The following ADAMTS13 variants were observed in gnomAD, a reference collection of about 807,000 sequenced individuals.
ADAMTS13 encodes ADAM metallopeptidase with thrombospondin type 1 motif 13.
ADAMTS13 carries 110 observed loss-of-function variants against 155.1 expected under a neutral mutation model. The ratio of observed to expected loss-of-function variants is 0.71; its 90% confidence interval spans 0.61 to 0.83. ADAMTS13 has a LOEUF of 0.83. Ranked by LOEUF, ADAMTS13 falls within the 40% of genes least tolerant of loss-of-function variation. The pLI is 0.00. For missense variants in ADAMTS13, 1,707 were observed against 1,891.7 expected, an observed-to-expected ratio of 0.90 and a Z score of 1.81; for synonymous variants, 758 against 756.4, an observed-to-expected ratio of 1.00 and a Z score of -0.03.
chr9:133,455,071 GGGAC>G (rs1842660432), intron 24 of ADAMTS13, among the ~76,000 whole-genome samples: 1 of 152,150 alleles, frequency 6.6e-6, no homozygotes, highest in African/African-American at 2.4e-5. Flanking sequence ...GAGGGTGACA[GGGAC>G]CCAGACTTGA....
chr9:133,422,342 G>A (rs879194486), upstream of ADAMTS13: 38 of 1,156,220 alleles, frequency 3.3e-5, no homozygotes, highest in South Asian at 2.7e-4. Flanking sequence ...TAATCGTCCC[G>A]CCCAGTAGTG....
At chr9:133,421,016 A>C (rs1839931451), upstream of ADAMTS13, among the ~76,000 whole-genome samples, 2 of 152,248 alleles carry the variant, frequency 1.3e-5, no homozygotes, top group African/African-American at 4.8e-5. Flanking sequence ...CTGTAATCCC[A>C]GCACTTTGGG....
rs1348701871 is a variant in ADAMTS13 at position 133,456,369 on chromosome 9, T to TA, written c.3547+155dup. Among the ~76,000 whole-genome samples, 1 of 152,212 alleles carries TA rather than the reference T, an allele frequency of 6.6e-6. No individual in the cohort carries two copies. Among genetic ancestry groups the TA allele is most frequent in the African/African-American group, 2.4e-5 (1 of 41,446 alleles). On this transcript the variant is annotated intron_variant, in intron 26 of 28. Coordinates refer to ENST00000355699, the MANE Select transcript of ADAMTS13 (RefSeq NM_139027.6). This position sits in a 1 kb window ranked among gnomAD's most constrained non-coding sequence, Gnocchi z 4.4. ...GACTGGGGAGTGATGATCTGCATTT[T>TA]ACAGATGAGGAAACTGAGGCTAGGA...
upstream of ADAMTS13, among the ~76,000 whole-genome samples, chr9:133,421,371 C>T (rs984669537): frequency 6.6e-6 from 1 of 152,250 alleles, no homozygotes; most frequent in Non-Finnish European, 1.5e-5. Context: ...CTCCAACAGC[C>T]TCCTTACCTT....
chr9:133,436,801 T>A, intron 11 of ADAMTS13, 28 bp from the exon 12 acceptor site: 26 of 623,530 alleles, frequency 4.2e-5, no homozygotes, highest in South Asian at 1.9e-4. Flanking sequence ...CCCACCGCCA[T>A]CCCCCTCCTC....
At chr9:133,449,642 G>T in intron 22 of ADAMTS13, 141 bp from the exon 23 acceptor site, 1 of 891,678 alleles carries the variant, frequency 1.1e-6, no homozygotes, top group East Asian at 2.5e-5. Context: ...GGACACAAGG[G>T]GGCCTCCAGA....
chr9:133,455,912 C>A, intron 25 of ADAMTS13, 157 bp from the exon 26 acceptor site: 1 of 969,168 alleles, frequency 1.0e-6, no homozygotes. Flanking sequence ...CTGACCTATG[C>A]AGCCCCCCTC....
chr9:133,415,337 T>C (rs1839515534), intron 1 of ADAMTS13, among the ~76,000 whole-genome samples: 1 of 152,076 alleles, frequency 6.6e-6, no homozygotes, highest in African/African-American at 2.4e-5. Context: ...ACTTCCCTTT[T>C]CAGCTTATCT....
chr9:133,417,474 G>C, upstream of ADAMTS13: 1 of 806,832 alleles, frequency 1.2e-6, no homozygotes, highest in Non-Finnish European at 2.0e-6. Flanking sequence ...CCCTCAACAG[G>C]CCACCTTTCT....
intron 7 of ADAMTS13, among the ~76,000 whole-genome samples, chr9:133,429,068 C>T (rs1483304969): frequency 1.3e-5 from 2 of 150,686 alleles, no homozygotes; most frequent in East Asian, 2.0e-4. Flanking sequence ...TGTCCTACCT[C>T]TCCATCCTGA....
intron 23 of ADAMTS13, among the ~76,000 whole-genome samples, chr9:133,454,178 G>A (rs1842605059): frequency 6.6e-6 from 1 of 152,120 alleles, no homozygotes; most frequent in South Asian, 2.1e-4. Context: ...GACTAGAGGG[G>A]GATGTGCAAT....
At chr9:133,447,303 T>C (rs1554792937) in intron 21 of ADAMTS13, among the ~76,000 whole-genome samples, 5 of 151,878 alleles carry the variant, frequency 3.3e-5, no homozygotes. Context: ...TCTCTTTTCT[T>C]TTTTGAGACA....
rs781957737 is a variant in ADAMTS13, at chr9:133,443,506, G to T, written c.2365G>T (p.Ala789Ser). The T allele has an allele frequency of 2.8e-5, 45 of 1,582,594 alleles. No homozygotes were observed. Among genetic ancestry groups the T allele is most frequent in the Non-Finnish European group, 3.8e-5 (44 of 1,170,184 alleles). ...TLPPARCRAG[A>S]QQPAVALETC... ...GCCCCCAGCCCGGTGCAGAGCAGGG[G>T]CCCAGCAGCCAGCTGTGGCGCTGGA... Residue 789 changes from alanine (A) to serine (S), a missense_variant, in exon 19 of 29, where the codon GCC (alanine) becomes TCC (serine). By Grantham distance (99) the Ala-to-Ser change is moderately conservative. Around this residue, in one of 3 missense-constraint regions of ADAMTS13, gnomAD observed 961 missense variants for 1,107.9 expected, o/e 0.87. Transcript: ENST00000355699.
chr9:133,441,576 C>T lies in ADAMTS13; in HGVS notation c.1969-823C>T, dbSNP rs1004978753. Reference sequence around the variant, plus strand: ...AGGGGGCAGGTGCGGAATGTCACCTCGCCCTGGGCTCTGGCCTCCAGGCTG... The same window carrying T: ...AGGGGGCAGGTGCGGAATGTCACCTTGCCCTGGGCTCTGGCCTCCAGGCTG... On this transcript the variant is annotated intron_variant, in intron 16 of 28. Transcript: ENST00000355699. This position sits in a 1 kb window ranked among gnomAD's most constrained non-coding sequence, Gnocchi z 5.0. Among the ~76,000 whole-genome samples, 5 of 152,194 alleles carry T rather than the reference C, an allele frequency of 3.3e-5. No homozygotes were observed. Among genetic ancestry groups the T allele is most frequent in the South Asian group, 2.1e-4 (1 of 4,826 alleles).
chr9:133,433,070 T>G (rs1840890585), intron 9 of ADAMTS13, among the ~76,000 whole-genome samples: 2 of 113,044 alleles, frequency 1.8e-5, no homozygotes, highest in African/African-American at 6.9e-5. Context: ...CCCTGTGTGT[T>G]GAGGGGTCCC....
chr9:133,445,659 A>G lies in ADAMTS13; in HGVS notation c.2611-40A>G. 6.2e-7 allele frequency: 1 copy of G among 1,612,296 alleles called. No individual in the cohort carries two copies. The highest frequency in any genetic ancestry group is 2.2e-5 in the East Asian group (1 of 44,864). On this transcript the variant is annotated intron_variant, in intron 20 of 28. Coordinates refer to ENST00000355699, the MANE Select transcript of ADAMTS13 (RefSeq NM_139027.6). This position sits in a 1 kb window ranked among gnomAD's most constrained non-coding sequence, Gnocchi z 5.0. The stretch of plus-strand genomic sequence containing the variant: ...GAGACGGGGATCGCTGGGTCCTCAG[A>G]GGAGGCCCAGACCCACCAGCTTGTT...
Position 133,425,771 on chromosome 9 carries a change from C to T in ADAMTS13, c.414+159C>T, listed in dbSNP as rs781976650. ...CAGCTGCCCTCCCAGCTCTACCCAG[C>T]ACTCAGCACAGGCTGCCTGACTACT... On this transcript the variant is annotated intron_variant, in intron 4 of 28. Coordinates refer to ENST00000355699, the MANE Select transcript of ADAMTS13 (RefSeq NM_139027.6). This position sits in a 1 kb window ranked among gnomAD's most constrained non-coding sequence, Gnocchi z 4.6. 1.3e-5 allele frequency among the ~76,000 whole-genome samples: 2 copies of T among 152,240 alleles called. No homozygotes were observed. Among genetic ancestry groups the T allele is most frequent in the Non-Finnish European group, 2.9e-5 (2 of 68,048 alleles).
Position 133,434,696 on chromosome 9 carries a change from A to G in ADAMTS13, c.1308+992A>G, listed in dbSNP as rs138161761. Among the ~76,000 whole-genome samples, 319 of 152,328 alleles carry G rather than the reference A, an allele frequency of 2.1e-3. 1 individual carries two copies. Among genetic ancestry groups the G allele is most frequent in the Non-Finnish European group, 3.3e-3 (227 of 68,028 alleles). ...CTCAGTGGCCTTTAGTACACTCACAAGGTTGGGCAAGTACTGCCTCTGTCT... is the reference window on the plus strand; with the variant it reads ...CTCAGTGGCCTTTAGTACACTCACAGGGTTGGGCAAGTACTGCCTCTGTCT... On this transcript the variant is annotated intron_variant, in intron 11 of 28. Coordinates refer to ENST00000355699, the MANE Select transcript of ADAMTS13 (RefSeq NM_139027.6).
intron 25 of ADAMTS13, chr9:133,455,743 T>G (rs1842702110): frequency 8.3e-7 from 1 of 1,205,726 alleles, no homozygotes; most frequent in African/African-American, 1.5e-5. Flanking sequence ...TGGCCCTCTT[T>G]CTCCCTGGCA....
Sources: gnomAD v4.1 joint callset for allele counts (sites outside exome capture counted in the v4.1 genomes callset) on GRCh38, gnomAD v4.1.1 for gene constraint, gnomAD v4.1.1 regional missense constraint, Gnocchi (gnomAD v3.1) non-coding constraint, MANE v1.5 for transcripts, NCBI Gene and HGNC (gene_info 2026-07-23, HGNC 2026-07-21) for gene names.